SYNJ2: variants seen among roughly 807,000 people sequenced by gnomAD.
The protein encoded by SYNJ2 is synaptojanin 2.
SYNJ2 carries 116 observed loss-of-function variants against 141.3 expected under a neutral mutation model. The ratio of observed to expected loss-of-function variants is 0.82; its 90% CI spans 0.71 to 0.96. The LOEUF is 0.96. Ranked by LOEUF, SYNJ2 falls within the 40% of genes least tolerant of loss-of-function variation. The probability of loss-of-function intolerance (pLI) is 0.00; values close to 1 mark genes in which losing one functional copy is unlikely to be tolerated. For synonymous variants in SYNJ2, 745 were observed against 777.7 expected (o/e 0.96, Z 0.70); for missense variants, 1,873 against 1,934.8 (o/e 0.97, Z 0.60).
chr6:158,018,120 G>A (rs1022226464), intron 2 of SYNJ2, among the ~76,000 whole-genome samples: 2 of 152,202 alleles, frequency 1.3e-5, no homozygotes, highest in African/African-American at 4.8e-5. Context: ...AGTGTGATCT[G>A]ACTTGCGAAG....
At chr6:158,078,304 G>A (rs757437860) in intron 18 of SYNJ2, 23 bp downstream of exon 18, 32 of 1,524,438 alleles carry the variant, frequency 2.1e-5, no homozygotes, top group South Asian at 4.5e-5. Flanking sequence ...CTTCCATGGC[G>A]TTTTCTCCTG....
At chr6:158,036,807 G>T (rs2128340389) in intron 4 of SYNJ2, among the ~76,000 whole-genome samples, 1 of 152,282 alleles carries the variant, frequency 6.6e-6, no homozygotes, top group Admixed American at 6.5e-5. Context: ...ATTTTAAAAA[G>T]GGGACAGAGA....
At chr6:158,037,648 G>T (rs1043235273) in intron 4 of SYNJ2, among the ~76,000 whole-genome samples, 2 of 151,972 alleles carry the variant, frequency 1.3e-5, no homozygotes, top group African/African-American at 2.4e-5. Context: ...TGATCTGCCC[G>T]CCTCGGCCTC....
chr6:158,044,154 G>T (rs961224729), intron 5 of SYNJ2, among the ~76,000 whole-genome samples: 1 of 152,224 alleles, frequency 6.6e-6, no homozygotes, highest in African/African-American at 2.4e-5. Flanking sequence ...TCGCCTCTCG[G>T]CTCTTCTTAC....
At chr6:158,068,459 C>T (rs1386128830) in intron 12 of SYNJ2, among the ~76,000 whole-genome samples, 188 bp from the exon 13 acceptor site, 1 of 152,264 alleles carries the variant, frequency 6.6e-6, no homozygotes, top group Non-Finnish European at 1.5e-5. Flanking sequence ...GGGCTCACTG[C>T]TGCATTTAAG....
At chr6:158,080,002 G>A (rs898743939) in intron 18 of SYNJ2, among the ~76,000 whole-genome samples, 4 of 152,184 alleles carry the variant, frequency 2.6e-5, no homozygotes, top group Admixed American at 1.3e-4. Flanking sequence ...TGTAATTTTC[G>A]TAATATAGGA....
Position 157,984,363 on chromosome 6 carries a change from T to C in SYNJ2, c.127+2275T>C, listed in dbSNP as rs1777120338. Among the ~76,000 whole-genome samples, 3 of 152,206 alleles carry C rather than the reference T, an allele frequency of 2.0e-5. No individual in the cohort carries two copies. In the South Asian group the frequency reaches 6.2e-4, roughly 32 times the overall value. ...CCCATCTGTGTTCCAAAGGGCTAGC[T>C]AGCTGTTTTACTTTCCTTTCTTGGA... On this transcript the variant is annotated intron_variant, in intron 1 of 26. Transcript: ENST00000355585.
rs35903216 is a variant in SYNJ2 at position 158,092,111 on chromosome 6, TAA to T, written c.3566-803_3566-802del. Among the ~76,000 whole-genome samples, 4 of 148,474 alleles carry T rather than the reference TAA, an allele frequency of 2.7e-5. No individual in the cohort carries two copies. The South Asian group carries it at 8.5e-4, about 31-fold the overall frequency. ...GTGAATTATGTCACAATAAAGCTGT[TAA>T]AAAAAAAAAAACTCTAGAGATGTAG... On this transcript the variant is annotated intron_variant, in intron 25 of 26. Coordinates refer to ENST00000355585, the MANE Select transcript of SYNJ2 (RefSeq NM_003898.4).
rs1373020889 is a variant in SYNJ2, at chr6:158,081,442, G to A, written c.2797G>A (p.Gly933Arg). 6.2e-7 allele frequency: 1 copy of A among 1,613,800 alleles called. No individual in the cohort carries two copies. The highest frequency in any genetic ancestry group is 8.5e-7 in the Non-Finnish European group (1 of 1,179,980). ...TATCATTTATTCCAGGATCAACCAA[G>A]GGCAGATGCTGGTAACTTTTGCAGA... ...GTIVLVRINQ[G>R]QMLVTFADSH... The change falls in exon 20 of 27, where the codon GGG becomes AGG. Residue 933 changes from glycine to arginine, a missense_variant. Gly to Arg is a moderately radical substitution (Grantham distance 125, BLOSUM62 -2). Transcript: ENST00000355585.
intron 6 of SYNJ2, among the ~76,000 whole-genome samples, chr6:158,058,758 C>G (rs1051194511): frequency 6.6e-6 from 1 of 152,190 alleles, no homozygotes; most frequent in Non-Finnish European, 1.5e-5. Context: ...AAGACCCTGT[C>G]TCTATGAAAA....
intron 5 of SYNJ2, among the ~76,000 whole-genome samples, chr6:158,047,230 C>A (rs565845426): frequency 1.3e-4 from 20 of 152,220 alleles, no homozygotes; most frequent in South Asian, 4.1e-4. Context: ...TGGGAAGGAA[C>A]CTGACGCTTG....
intron 15 of SYNJ2, among the ~76,000 whole-genome samples, chr6:158,073,144 TGTA>T (rs1264180125): frequency 5.3e-5 from 8 of 152,180 alleles, no homozygotes; most frequent in Admixed American, 5.2e-4. Flanking sequence ...GGATTTATAA[TGTA>T]GTTCTTTTCT....
chr6:158,049,503 A>G (rs147324064), intron 5 of SYNJ2, among the ~76,000 whole-genome samples: 2,246 of 152,304 alleles, frequency 0.015, 26 homozygotes, highest in Middle Eastern at 0.1. Flanking sequence ...GCTCCCCTCC[A>G]CTTTTGCCCA....
chr6:158,050,248 T>C (rs925314249), intron 5 of SYNJ2, among the ~76,000 whole-genome samples: 1 of 152,268 alleles, frequency 6.6e-6, no homozygotes, highest in African/African-American at 2.4e-5. Context: ...GAGGGCTTGT[T>C]AAAACACAGA....
chr6:157,988,203 C>T (rs1332709729), intron 1 of SYNJ2, among the ~76,000 whole-genome samples: 5 of 152,194 alleles, frequency 3.3e-5, no homozygotes, highest in Non-Finnish European at 5.9e-5. Flanking sequence ...ACAGGTGGAA[C>T]GGGACACACA....
Position 158,040,904 on chromosome 6 carries a change from C to A in SYNJ2, c.712-2412C>A, listed in dbSNP as rs1027292784. Among the ~76,000 whole-genome samples, 1 of 152,198 alleles carries A rather than the reference C, an allele frequency of 6.6e-6. No homozygotes were observed. The highest frequency in any genetic ancestry group is 1.5e-5 in the Non-Finnish European group (1 of 68,040). ...CTTCCCGTGGCCCCACTGCTCTTCC[C>A]GGTCTCCCTCCCACCTCTTGTCTGT... is the stretch of plus-strand genomic sequence containing the variant. On this transcript the variant is annotated intron_variant, in intron 4 of 26. Transcript: ENST00000355585. The surrounding 1 kb of genome is among the most constrained non-coding windows in gnomAD (Gnocchi z 4.2).
intron 5 of SYNJ2, among the ~76,000 whole-genome samples, chr6:158,044,874 G>A (rs1261293396): frequency 1.3e-5 from 2 of 152,006 alleles, no homozygotes; most frequent in Non-Finnish European, 2.9e-5. Context: ...CTTTAAATAT[G>A]GAGTTTTCCT....
At chr6:158,063,921 C>T in intron 9 of SYNJ2, 49 bp downstream of exon 9, 1 of 1,592,070 alleles carries the variant, frequency 6.3e-7, no homozygotes, top group Non-Finnish European at 8.6e-7. Context: ...GGTCCTGTGA[C>T]TTCAGCTGGA....
In SYNJ2 at chr6:157,982,055, C is replaced by T. The variant is rs1370530406; in HGVS notation, c.94C>T (p.Leu32=). Residue 32 remains leucine (L), a synonymous_variant, in exon 1 of 27, where the codon CTG becomes TTG. Transcript: ENST00000355585. The surrounding 1 kb of genome is among the most constrained non-coding windows in gnomAD (Gnocchi z 4.0). ...LLEARGRDDC[L]LFEAGTVATL... is the part of the protein sequence containing the mutation. ...GGAGGCGCGCGGCCGCGACGACTGC[C>T]TGCTGTTCGAGGCCGGCACGGTGGC... The T allele has an allele frequency of 3.0e-6, 4 of 1,338,618 alleles. No homozygotes were observed. In the South Asian group the frequency reaches 5.7e-5, roughly 19 times the overall value. The allele number at this position is 1,338,618 out of a possible 1,614,324, so 82.9% of individuals were successfully genotyped here.
Sources: gnomAD v4.1 joint callset for allele counts (sites outside exome capture counted in the v4.1 genomes callset) on GRCh38, gnomAD v4.1.1 for gene constraint, Gnocchi (gnomAD v3.1) non-coding constraint, MANE v1.5 for transcripts, NCBI Gene and HGNC (gene_info 2026-07-23, HGNC 2026-07-21) for gene names.